The following C8orf34 variants were observed in gnomAD, a reference collection of about 807,000 sequenced individuals.
The protein encoded by C8orf34 is uncharacterized protein C8orf34.
Under a neutral mutation model 68.3 loss-of-function variants are expected in C8orf34, and 65 were observed. That is an observed-to-expected ratio of 0.95 (90% CI 0.78 to 1.17). The LOEUF (loss-of-function observed/expected upper bound fraction) is 1.17, where lower values mean the gene tolerates loss of function less well. C8orf34 is among the 50% of genes most tolerant of loss of function. C8orf34 has a pLI of 0.00. For synonymous variants in C8orf34, 244 were observed against 241.2 expected, an observed-to-expected ratio of 1.01 and a Z score of -0.11; for missense variants, 664 against 655.4, an observed-to-expected ratio of 1.01 and a Z score of -0.14.
intron 5 of C8orf34, among the ~76,000 whole-genome samples, chr8:68,513,744 C>T (rs889825397): frequency 2.0e-5 from 3 of 152,168 alleles, no homozygotes; most frequent in Non-Finnish European, 2.9e-5. Context: ...AACGCAGTGG[C>T]AGCACATGGC....
intron 9 of C8orf34, among the ~76,000 whole-genome samples, chr8:68,718,745 G>A (rs1279178080): frequency 6.6e-6 from 1 of 152,100 alleles, no homozygotes; most frequent in South Asian, 2.1e-4. Flanking sequence ...AAAAAAGTTG[G>A]ATGTAGCTAA....
chr8:68,529,672 C>G (rs559449816), intron 6 of C8orf34, among the ~76,000 whole-genome samples: 8 of 152,102 alleles, frequency 5.3e-5, no homozygotes, highest in Non-Finnish European at 8.8e-5. Flanking sequence ...TCTAGAAAAA[C>G]AGTTATGGAC....
At chr8:68,386,552 G>A (rs1047797960) in intron 1 of C8orf34, among the ~76,000 whole-genome samples, 2 of 152,146 alleles carry the variant, frequency 1.3e-5, no homozygotes, top group Admixed American at 1.3e-4. Flanking sequence ...TTTAAACATT[G>A]CATGGGTTGT....
chr8:68,690,945 C>T (rs1013228115), intron 8 of C8orf34, among the ~76,000 whole-genome samples: 1 of 152,052 alleles, frequency 6.6e-6, no homozygotes, highest in African/African-American at 2.4e-5. Flanking sequence ...AAGAAGAATG[C>T]TACTTTCCTT....
At chr8:68,759,118 C>G (rs1257465032) in intron 10 of C8orf34, among the ~76,000 whole-genome samples, 6 of 152,060 alleles carry the variant, frequency 3.9e-5, no homozygotes, top group Non-Finnish European at 8.8e-5. Flanking sequence ...TATATACACA[C>G]AGACCATATT....
At chr8:68,629,804 T>G (rs1053110238) in intron 7 of C8orf34, among the ~76,000 whole-genome samples, 15 of 151,976 alleles carry the variant, frequency 9.9e-5, no homozygotes, top group Admixed American at 7.2e-4. Flanking sequence ...TATGTTTAAG[T>G]GAGTGCATGT....
intron 8 of C8orf34, among the ~76,000 whole-genome samples, chr8:68,644,956 T>C (rs1406090456): frequency 6.6e-6 from 1 of 152,184 alleles, no homozygotes; most frequent in Non-Finnish European, 1.5e-5. Context: ...AAACCATACA[T>C]TGGATTTTAG....
intron 9 of C8orf34, among the ~76,000 whole-genome samples, chr8:68,710,577 C>G (rs553411315): frequency 1.3e-5 from 2 of 152,120 alleles, no homozygotes; most frequent in African/African-American, 4.8e-5. Context: ...GAATATAACT[C>G]CATTGGACTG....
intron 7 of C8orf34, among the ~76,000 whole-genome samples, chr8:68,606,808 C>A (rs1459875213): frequency 1.3e-5 from 2 of 152,040 alleles, no homozygotes; most frequent in African/African-American, 4.8e-5. Flanking sequence ...ACTAAAAATT[C>A]TCTGGTACCA....
intron 12 of C8orf34, among the ~76,000 whole-genome samples, chr8:68,792,965 A>G (rs544285138): frequency 3.1e-4 from 47 of 152,190 alleles, no homozygotes; most frequent in African/African-American, 1.1e-3. Context: ...TTTAATATAT[A>G]TGTGTATATG....
At chr8:68,528,606 A>G (rs144157174) in intron 6 of C8orf34, among the ~76,000 whole-genome samples, 64 of 152,340 alleles carry the variant, frequency 4.2e-4, no homozygotes, top group African/African-American at 1.5e-3. Context: ...CCTAGGCTAG[A>G]GAAGGACACA....
At chr8:68,491,843 A>T (rs528139999) in intron 5 of C8orf34, among the ~76,000 whole-genome samples, 1 of 152,180 alleles carries the variant, frequency 6.6e-6, no homozygotes, top group Non-Finnish European at 1.5e-5. Flanking sequence ...TCCAAGTTCA[A>T]ATGGTAGTAC....
intron 7 of C8orf34, among the ~76,000 whole-genome samples, chr8:68,604,893 G>A (rs1009900522): frequency 1.8e-4 from 27 of 152,060 alleles, no homozygotes; most frequent in African/African-American, 6.3e-4. Context: ...TCTGCAAAAG[G>A]CATTGTCAAG....
At position 68,543,681 on chromosome 8, in the gene C8orf34, C is replaced by T. The variant is rs137911753; in HGVS notation, c.1105+10532C>T. 2.2e-3 allele frequency among the ~76,000 whole-genome samples: 333 copies of T among 152,192 alleles called. 3 individuals carry two copies. Among genetic ancestry groups the T allele is most frequent in the African/African-American group, 7.3e-3 (304 of 41,522 alleles). On this transcript the variant is annotated intron_variant, in intron 7 of 13. Coordinates refer to ENST00000518698, the MANE Select transcript of C8orf34 (RefSeq NM_052958.4). ...GCAATTAAACACTAACTATGCAACA[C>T]GTAAACATTAAAATCCAAATTCATA...
At chr8:68,339,309 C>G (rs992746956) in intron 1 of C8orf34, among the ~76,000 whole-genome samples, 2 of 151,830 alleles carry the variant, frequency 1.3e-5, no homozygotes, top group Non-Finnish European at 2.9e-5. Flanking sequence ...TGCAAGGTAT[C>G]TTTTACAATT....
chr8:68,797,906 G>T (rs182123482), intron 12 of C8orf34, among the ~76,000 whole-genome samples: 6 of 152,170 alleles, frequency 3.9e-5, no homozygotes, highest in Non-Finnish European at 8.8e-5. Context: ...AGTATTTAAA[G>T]GTCAGCTAGG....
chr8:68,520,911 T>G (rs180828964), intron 5 of C8orf34, among the ~76,000 whole-genome samples: 9 of 152,322 alleles, frequency 5.9e-5, no homozygotes, highest in African/African-American at 2.2e-4. Flanking sequence ...CAAATAGAAA[T>G]GATGTTGCAA....
intron 11 of C8orf34, among the ~76,000 whole-genome samples, chr8:68,777,471 G>A (rs1231648800): frequency 6.6e-6 from 1 of 152,216 alleles, no homozygotes; most frequent in African/African-American, 2.4e-5. Context: ...AATGCTCAAT[G>A]TGGCAAGAAG....
intron 7 of C8orf34, among the ~76,000 whole-genome samples, chr8:68,633,515 A>T (rs1818751648): frequency 6.6e-6 from 1 of 152,196 alleles, no homozygotes. Flanking sequence ...TAAAATTCCC[A>T]TCGGTTGATT....
Sources: allele counts gnomAD v4.1 joint callset (sites outside exome capture counted in the v4.1 genomes callset), GRCh38; gene constraint gnomAD v4.1.1; transcripts MANE v1.5; gene names NCBI Gene and HGNC (gene_info 2026-07-23, HGNC 2026-07-21).